LSG1: variants seen among roughly 807,000 people sequenced by gnomAD.
The protein encoded by LSG1 is large subunit GTPase 1 homolog.
LSG1 carries 55 observed loss-of-function variants against 82.6 expected under a neutral mutation model. The observed-to-expected ratio is 0.67, with a 90% confidence interval of 0.54 to 0.83. The LOEUF (loss-of-function observed/expected upper bound fraction) is 0.83, where lower values mean the gene tolerates loss of function less well. Ranked by LOEUF, LSG1 falls within the 40% of genes least tolerant of loss-of-function variation. The pLI, the probability that LSG1 is intolerant of heterozygous loss-of-function variation, is 0.00. For missense variants in LSG1, 809 were observed against 807.9 expected, an observed-to-expected ratio of 1.00 and a Z score of -0.02; for synonymous variants, 272 against 282.5, an observed-to-expected ratio of 0.96 and a Z score of 0.37.
chr3:194,667,943 ATATAT>A (rs1161040405), intron 2 of LSG1, among the ~76,000 whole-genome samples: 1,760 of 62,066 alleles, frequency 0.028, 201 homozygotes, highest in African/African-American at 0.11. Context: ...AAAAAAAAAA[ATATAT>A]ATATATATAT....
chr3:194,660,160 A>G (rs766758024), intron 5 of LSG1, 27 bp from the exon 6 acceptor site: 1 of 1,594,506 alleles, frequency 6.3e-7, no homozygotes, highest in South Asian at 1.1e-5. Context: ...AGATAGACCA[A>G]TCACCGTGAA....
chr3:194,659,028 C>A lies in LSG1; in HGVS notation c.688G>T (p.Glu230Ter), dbSNP rs531979615. The A allele has an allele frequency of 1.4e-5, 22 of 1,614,192 alleles. No homozygotes were observed. Among genetic ancestry groups the A allele is most frequent in the Non-Finnish European group, 1.8e-5 (21 of 1,180,018 alleles). Residue 230 changes from glutamate to a stop codon, truncating the protein, a stop_gained, in exon 7 of 14, where the codon GAA becomes TAA. Transcript: ENST00000265245. LOFTEE classifies it high-confidence loss of function. ...EQRSAWAMYFEKEDVKVIFWS... is the reference protein window; with the variant it reads ...EQRSAWAMYF ...AAAATAACCTTCACATCTTCTTTTT[C>A]GAAGTACATGGCCCAGGCACTCCGC...
chr3:194,651,620 C>T (rs1705990), intron 8 of LSG1: 83,235 of 159,092 alleles, frequency 0.52, 22,327 homozygotes, highest in Middle Eastern at 0.62. Context: ...TTTTCAGTCA[C>T]GTTTTAGTTA....
intron 5 of LSG1, among the ~76,000 whole-genome samples, chr3:194,664,985 CT>C (rs1719003499): frequency 6.6e-6 from 1 of 152,166 alleles, no homozygotes; most frequent in Non-Finnish European, 1.5e-5. Flanking sequence ...TTCCTCAATA[CT>C]TATCAACCAC....
At position 194,647,235 on chromosome 3, in the gene LSG1, C is replaced by G. The variant is rs144802887; in HGVS notation, c.1544-992G>C. Among the ~76,000 whole-genome samples, 30 of 152,230 alleles carry G rather than the reference C, an allele frequency of 2.0e-4. No individual in the cohort carries two copies. In the East Asian group the frequency reaches 5.4e-3, roughly 27 times the overall value. On this transcript the variant is annotated intron_variant, in intron 11 of 13. Coordinates refer to ENST00000265245, the MANE Select transcript of LSG1 (RefSeq NM_018385.3). ...GACCTTCCCAAGTAAAACACCAAAC[C>G]CAGTCAAACCAAAAAGGAAAAATAT...
At chr3:194,642,299 G>A (rs923107681) in intron 13 of LSG1, 52 bp from the exon 14 acceptor site, 1 of 1,525,974 alleles carries the variant, frequency 6.6e-7, no homozygotes, top group Non-Finnish European at 9.0e-7. Flanking sequence ...TATCCTTTAA[G>A]GGATATGCAC....
rs896893125 is a variant in LSG1, at chr3:194,641,876, T to C, written c.*192A>G. The stretch of plus-strand genomic sequence containing the variant: ...TAGGATTCTCGGGCTCCCAGATGAC[T>C]CCTTTTTGTCAGAGTTGGTGTTTCC... On this transcript the variant is annotated 3_prime_UTR_variant, in exon 14 of 14. Coordinates refer to ENST00000265245, the MANE Select transcript of LSG1 (RefSeq NM_018385.3). The C allele has an allele frequency of 7.0e-5, 37 of 525,554 alleles. No individual in the cohort carries two copies. Among genetic ancestry groups the C allele is most frequent in the Non-Finnish European group, 1.2e-4 (36 of 303,436 alleles). 32.6% of individuals were successfully genotyped at this position (525,554 alleles called of 1,614,324 possible).
intron 5 of LSG1, among the ~76,000 whole-genome samples, chr3:194,663,805 C>G (rs1718979620): frequency 6.6e-6 from 1 of 150,718 alleles, no homozygotes; most frequent in Non-Finnish European, 1.5e-5. Flanking sequence ...TCAGAGAAAG[C>G]CTTTCCCTTC....
At chr3:194,648,552 A>G in intron 11 of LSG1, 129 bp downstream of exon 11, 1 of 1,131,520 alleles carries the variant, frequency 8.8e-7, no homozygotes, top group Non-Finnish European at 1.2e-6. Context: ...ATGGCTTGAA[A>G]AATGCTGAAG....
intron 13 of LSG1, among the ~76,000 whole-genome samples, chr3:194,644,311 A>G (rs1040345698): frequency 6.6e-5 from 10 of 150,394 alleles, no homozygotes; most frequent in East Asian, 2.0e-4. Flanking sequence ...GCAGTGAGCC[A>G]AGATTGCGCC....
At chr3:194,656,107 T>C (rs1263940745) in intron 7 of LSG1, among the ~76,000 whole-genome samples, 1 of 151,902 alleles carries the variant, frequency 6.6e-6, no homozygotes, top group African/African-American at 2.4e-5. Context: ...ACTTCATGTC[T>C]AAAACACCAA....
At position 194,641,162 on chromosome 3, in the gene LSG1, TG is replaced by T. The variant is rs1462370271; in HGVS notation, c.*905del. On this transcript the variant is annotated 3_prime_UTR_variant, in exon 14 of 14. Transcript: ENST00000265245. ...TGCTTTCATGCTTTTGATTATCTTT[TG>T]TAACTATGTTATTGAACTATAATTT... 2 of 152,242 alleles carry T rather than the reference TG, an allele frequency of 1.3e-5. No individual in the cohort carries two copies. Among genetic ancestry groups the T allele is most frequent in the African/African-American group, 4.8e-5 (2 of 41,456 alleles). The allele number at this position is 152,242 out of a possible 1,614,324, so 9.4% of individuals were successfully genotyped here.
chr3:194,648,965 G>GT (rs1322875445), intron 10 of LSG1, 161 bp from the exon 11 acceptor site: 2 of 649,894 alleles, frequency 3.1e-6, no homozygotes, highest in Non-Finnish European at 2.5e-6. Context: ...AGACTCAGTT[G>GT]TTTTTTCCCT....
At chr3:194,662,305 A>C (rs2108620671) in intron 5 of LSG1, among the ~76,000 whole-genome samples, 1 of 152,382 alleles carries the variant, frequency 6.6e-6, no homozygotes, top group East Asian at 1.9e-4. Context: ...GACAAGTTCC[A>C]GGACTGGGAC....
Position 194,641,671 on chromosome 3 carries a change from C to T in LSG1, c.*397G>A, listed in dbSNP as rs189242643. ...CTCTGTCGCCCAGGCTGGAGTGCAG[C>T]GGCGCAATCTCCATTCACTGCAAAC... On this transcript the variant is annotated 3_prime_UTR_variant, in exon 14 of 14. Transcript: ENST00000265245. The T allele has an allele frequency of 8.8e-4, 137 of 155,916 alleles. 1 individual carries two copies. The Middle Eastern group carries it at 9.7e-3, about 11-fold the overall frequency. The allele number at this position is 155,916 out of a possible 1,614,324, so 9.7% of individuals were successfully genotyped here.
chr3:194,666,556 C>G lies in LSG1; in HGVS notation c.243G>C (p.Lys81Asn), dbSNP rs1187324144. The G allele has an allele frequency of 6.2e-7, 1 of 1,611,656 alleles. No individual in the cohort carries two copies. The highest frequency in any genetic ancestry group is 1.1e-5 in the South Asian group (1 of 90,860). ...TEFVAEKLNI[K>N]FVPAEARTGL... ...CAGTTCTAGCCTCAGCAGGCACAAA[C>G]TTAATATTAAGTTTCTCTGTTCAAA... The change falls in exon 3 of 14, where the codon AAG becomes AAC. Residue 81 changes from lysine (K) to asparagine (N), a missense_variant. Transcript: ENST00000265245.
rs201430622 is a variant in LSG1 at position 194,664,920 on chromosome 3, CAAATAAAT to C, written c.521+629_521+636del. Among the ~76,000 whole-genome samples the C allele has an allele frequency of 2.4e-3, 361 of 150,658 alleles. 4 individuals carry two copies. Among genetic ancestry groups the C allele is most frequent in the African/African-American group, 8.3e-3 (339 of 40,938 alleles). On this transcript the variant is annotated intron_variant, in intron 5 of 13. Coordinates refer to ENST00000265245, the MANE Select transcript of LSG1 (RefSeq NM_018385.3). ...GGGCAATAAGAGCAAAACTCCGTCT[CAAATAAAT>C]AAATAAATAAATAAATAAATAAAAA...
At chr3:194,646,801 G>A (rs188007923) in intron 11 of LSG1, among the ~76,000 whole-genome samples, 143 of 152,346 alleles carry the variant, frequency 9.4e-4, no homozygotes, top group African/African-American at 3.0e-3. Context: ...GATTACAAGC[G>A]TGAGGCACTA....
chr3:194,645,589 C>CACACAG (rs1718530926), intron 12 of LSG1, among the ~76,000 whole-genome samples: 1 of 93,340 alleles, frequency 1.1e-5, no homozygotes, highest in African/African-American at 4.9e-5. Flanking sequence ...CACACACACA[C>CACACAG]ACACACACAC....
Sources: gnomAD v4.1 joint callset for allele counts (sites outside exome capture counted in the v4.1 genomes callset) on GRCh38, gnomAD v4.1.1 for gene constraint, MANE v1.5 for transcripts, NCBI Gene and HGNC (gene_info 2026-07-23, HGNC 2026-07-21) for gene names.